The following CACNA2D4 variants were observed in gnomAD, a reference collection of about 807,000 sequenced individuals.
CACNA2D4 encodes voltage-dependent calcium channel subunit alpha-2/delta-4.
In CACNA2D4, 157 loss-of-function variants were observed where a neutral mutation model predicts 163.8. That is an observed-to-expected ratio of 0.96 (90% CI 0.84 to 1.09). The LOEUF is 1.09. Ranked by LOEUF, CACNA2D4 falls within the 50% of genes least tolerant of loss-of-function variation. CACNA2D4 has a pLI of 0.00. For synonymous variants in CACNA2D4, 598 were observed against 586.9 expected, an observed-to-expected ratio of 1.02 and a Z score of -0.27; for missense variants, 1,410 against 1,479.9, an observed-to-expected ratio of 0.95 and a Z score of 0.78.
rs1396096170 is a variant in CACNA2D4, at chr12:1,828,153, T to A, written c.2551+12586A>T. The A allele has an allele frequency of 1.9e-6, 3 of 1,542,108 alleles. No individual in the cohort carries two copies. In the South Asian group the frequency reaches 3.6e-5, roughly 19 times the overall value. ...CGGAGAGCCGTGGGCCTCACCATGC[T>A]GGCGCCGGGCAGCAGCCCTGGGCAG... On this transcript the variant is annotated intron_variant, in intron 26 of 37. Transcript: ENST00000382722. The surrounding 1 kb of genome is among the most constrained non-coding windows in gnomAD (Gnocchi z 4.2).
In CACNA2D4 at chr12:1,828,338, C is replaced by T. The variant is rs1864451407; in HGVS notation, c.2551+12401G>A. ...TGCAGGGAGGCCTACGCCAGATCTT[C>T]CTGGGGTACCCGAGGCTATGTTCTG... On this transcript the variant is annotated intron_variant, in intron 26 of 37. Coordinates refer to ENST00000382722, the MANE Select transcript of CACNA2D4 (RefSeq NM_172364.5). This position sits in a 1 kb window ranked among gnomAD's most constrained non-coding sequence, Gnocchi z 4.2. 2 of 848,190 alleles carry T rather than the reference C, an allele frequency of 2.4e-6. No homozygotes were observed. Among genetic ancestry groups the T allele is most frequent in the Middle Eastern group, 2.6e-4 (1 of 3,810 alleles). 52.5% of individuals were successfully genotyped at this position (848,190 alleles called of 1,614,324 possible). A position where few individuals can be genotyped will look rare whatever the true frequency, so the allele number is the denominator to read the frequency against.
In CACNA2D4 at chr12:1,878,831, G is replaced by T; in HGVS notation, c.1644+125C>A. ...CCTGCTCAGCACCTGCACTTCTTGG[G>T]CAGTGATGGAGGGGCCCCACCCCAG... On this transcript the variant is annotated intron_variant, in intron 15 of 37. Transcript: ENST00000382722. This position sits in a 1 kb window ranked among gnomAD's most constrained non-coding sequence, Gnocchi z 4.6. 1.3e-6 allele frequency: 1 copy of T among 755,196 alleles called. No homozygotes were observed. 46.8% of individuals were successfully genotyped at this position (755,196 alleles called of 1,614,324 possible). A position where few individuals can be genotyped will look rare whatever the true frequency, so the allele number is the denominator to read the frequency against.
At chr12:1,905,822 A>G (rs1866647420) in intron 6 of CACNA2D4, among the ~76,000 whole-genome samples, 1 of 152,174 alleles carries the variant, frequency 6.6e-6, no homozygotes, top group Admixed American at 6.5e-5. Flanking sequence ...CACAACGAGC[A>G]AGAGAAACTC....
Position 1,828,112 on chromosome 12 carries a change from C to G in CACNA2D4, c.2551+12627G>C. On this transcript the variant is annotated intron_variant, in intron 26 of 37. Coordinates refer to ENST00000382722, the MANE Select transcript of CACNA2D4 (RefSeq NM_172364.5). This position sits in a 1 kb window ranked among gnomAD's most constrained non-coding sequence, Gnocchi z 4.2. Reference sequence around the variant, plus strand: ...GGCGCACCCAGGGGCTCCTCTCTCCCCAGAGCGACAGGGCCCGGAGAGCCG... The same window carrying G: ...GGCGCACCCAGGGGCTCCTCTCTCCGCAGAGCGACAGGGCCCGGAGAGCCG... The G allele has an allele frequency of 1.3e-6, 2 of 1,500,712 alleles. No homozygotes were observed. Among genetic ancestry groups the G allele is most frequent in the Non-Finnish European group, 8.9e-7 (1 of 1,121,382 alleles). 93.0% of individuals were successfully genotyped at this position (1,500,712 alleles called of 1,614,324 possible). A position where few individuals can be genotyped will look rare whatever the true frequency, so the allele number is the denominator to read the frequency against.
At chr12:1,873,462 G>T (rs1865824981) in intron 18 of CACNA2D4, among the ~76,000 whole-genome samples, 1 of 152,192 alleles carries the variant, frequency 6.6e-6, no homozygotes, top group Non-Finnish European at 1.5e-5. Context: ...CCTGGGCACT[G>T]GGGGAAAGGG....
chr12:1,891,237 G>A (rs1304112337), intron 6 of CACNA2D4, among the ~76,000 whole-genome samples: 1 of 152,132 alleles, frequency 6.6e-6, no homozygotes, highest in Admixed American at 6.5e-5. Flanking sequence ...GGATCATCTG[G>A]CATCCTTGTC....
intron 26 of CACNA2D4, chr12:1,831,646 C>A (rs1399039365): frequency 1.8e-5 from 15 of 815,940 alleles, no homozygotes; most frequent in Non-Finnish European, 2.7e-5. Flanking sequence ...AAGGGGGCGA[C>A]CCTGCCTCTG....
chr12:1,846,515 G>A (rs1348779277), intron 24 of CACNA2D4, 79 bp downstream of exon 24: 1 of 1,187,624 alleles, frequency 8.4e-7, no homozygotes, highest in Non-Finnish European at 1.2e-6. Flanking sequence ...GTCCACCCAT[G>A]GCCCAGGAAC....
chr12:1,894,258 C>G (rs933270875), intron 6 of CACNA2D4, among the ~76,000 whole-genome samples: 2 of 152,108 alleles, frequency 1.3e-5, no homozygotes, highest in Non-Finnish European at 2.9e-5. Context: ...AGCCTCCCAA[C>G]AAAGGAAAAT....
intron 20 of CACNA2D4, 66 bp downstream of exon 20, chr12:1,858,511 C>T (rs200691288): frequency 6.9e-7 from 1 of 1,452,052 alleles, no homozygotes; most frequent in African/African-American, 1.4e-5. Flanking sequence ...GTTGGCCCTG[C>T]CCAGTGTCCC....
chr12:1,895,778 T>C (rs1048924604), intron 6 of CACNA2D4, among the ~76,000 whole-genome samples: 2 of 152,196 alleles, frequency 1.3e-5, no homozygotes, highest in South Asian at 4.2e-4. Flanking sequence ...ACTATAGCCA[T>C]GTGCCACCAC....
At chr12:1,841,629 G>A (rs1380095524) in intron 25 of CACNA2D4, among the ~76,000 whole-genome samples, 1 of 152,184 alleles carries the variant, frequency 6.6e-6, no homozygotes, top group Non-Finnish European at 1.5e-5. Context: ...CTTGTCTGCA[G>A]GTCAAATGCA....
chr12:1,811,254 G>A (rs1402073738), intron 27 of CACNA2D4, among the ~76,000 whole-genome samples: 1 of 152,210 alleles, frequency 6.6e-6, no homozygotes, highest in African/African-American at 2.4e-5. Flanking sequence ...GAGGGGAAAG[G>A]AGCCAGTAGA....
rs190046928 is a variant in CACNA2D4 at position 1,875,717 on chromosome 12, G to T, written c.1720-380C>A. 1.8e-4 allele frequency among the ~76,000 whole-genome samples: 28 copies of T among 152,320 alleles called. No homozygotes were observed. Among genetic ancestry groups the T allele is most frequent in the African/African-American group, 6.7e-4 (28 of 41,558 alleles). On this transcript the variant is annotated intron_variant, in intron 16 of 37. Coordinates refer to ENST00000382722, the MANE Select transcript of CACNA2D4 (RefSeq NM_172364.5). The surrounding 1 kb of genome is among the most constrained non-coding windows in gnomAD (Gnocchi z 4.0). ...TCTTTCCCCTGGAGCTGCATAGAAT[G>T]TGTTCCACCTGACAGCCCCTGGGAT...
At chr12:1,867,060 C>T (rs1268798679) in intron 18 of CACNA2D4, among the ~76,000 whole-genome samples, 1 of 152,124 alleles carries the variant, frequency 6.6e-6, no homozygotes, top group Non-Finnish European at 1.5e-5. Flanking sequence ...TTCTTATATA[C>T]AGCAGTCTTA....
chr12:1,814,460 C>T (rs76603393), intron 26 of CACNA2D4, among the ~76,000 whole-genome samples: 3,270 of 152,252 alleles, frequency 0.021, 48 homozygotes, highest in Middle Eastern at 0.048. Flanking sequence ...CTAATGAGTG[C>T]GTTTTACAAT....
In CACNA2D4 at chr12:1,878,895, G is replaced by C. The variant is rs888187528; in HGVS notation, c.1644+61C>G. Reference sequence around the variant, plus strand: ...TTGCCTGGAGAGAGGCTCCCATCACGGGGGAGGGAGTTTGCTCCTGGGGAA... The same window carrying C: ...TTGCCTGGAGAGAGGCTCCCATCACCGGGGAGGGAGTTTGCTCCTGGGGAA... On this transcript the variant is annotated intron_variant, in intron 15 of 37. Coordinates refer to ENST00000382722, the MANE Select transcript of CACNA2D4 (RefSeq NM_172364.5). The surrounding 1 kb of genome is among the most constrained non-coding windows in gnomAD (Gnocchi z 4.6). 1 of 1,474,000 alleles carries C rather than the reference G, an allele frequency of 6.8e-7. No homozygotes were observed. The highest frequency in any genetic ancestry group is 9.4e-7 in the Non-Finnish European group (1 of 1,063,646). The allele number at this position is 1,474,000 out of a possible 1,614,324, so 91.3% of individuals were successfully genotyped here. A position where few individuals can be genotyped will look rare whatever the true frequency, so the allele number is the denominator to read the frequency against.
intron 4 of CACNA2D4, among the ~76,000 whole-genome samples, chr12:1,908,942 C>T (rs1189716573): frequency 6.6e-6 from 1 of 152,188 alleles, no homozygotes; most frequent in Non-Finnish European, 1.5e-5. Flanking sequence ...ACACCCGGCT[C>T]CTCCTCACGA....
intron 29 of CACNA2D4, among the ~76,000 whole-genome samples, chr12:1,807,247 G>A (rs117399314): frequency 9.4e-4 from 143 of 151,848 alleles, no homozygotes; most frequent in Non-Finnish European, 1.5e-3. Context: ...GGAGGCCTCC[G>A]CCTCACAGCC....
Sources: allele counts gnomAD v4.1 joint callset (sites outside exome capture counted in the v4.1 genomes callset), GRCh38; gene constraint gnomAD v4.1.1; non-coding constraint Gnocchi (gnomAD v3.1); transcripts MANE v1.5; gene names NCBI Gene and HGNC (gene_info 2026-07-23, HGNC 2026-07-21).